The following CCDC170 variants were observed in gnomAD, a reference collection of about 807,000 sequenced individuals.
CCDC170 encodes coiled-coil domain-containing protein 170.
Under a neutral mutation model 72.6 loss-of-function variants are expected in CCDC170, and 69 were observed. That is an observed-to-expected ratio of 0.95 (90% CI 0.78 to 1.16). The LOEUF is 1.16. Ranked by LOEUF, CCDC170 falls within the 50% of genes most tolerant of loss-of-function variation. The pLI is 0.00. For missense variants in CCDC170, 852 were observed against 832.5 expected (o/e 1.02, Z -0.29); for synonymous variants, 300 against 303.9 (o/e 0.99, Z 0.13).
chr6:151,569,968 A>AT (rs1349324131), intron 5 of CCDC170, among the ~76,000 whole-genome samples: 1 of 152,190 alleles, frequency 6.6e-6, no homozygotes. Context: ...TGATTTTGTG[A>AT]TTTTCACTAG....
chr6:151,539,325 C>T lies in CCDC170; in HGVS notation c.443+1024C>T, dbSNP rs1263844742. Among the ~76,000 whole-genome samples, 5 of 152,244 alleles carry T rather than the reference C, an allele frequency of 3.3e-5. No individual in the cohort carries two copies. In the South Asian group the frequency reaches 6.2e-4, roughly 19 times the overall value. On this transcript the variant is annotated intron_variant, in intron 3 of 10. Transcript: ENST00000239374. Reference sequence around the variant, plus strand: ...TCTCTTCTCTCTCTGGAATCTGCTCCACTGAAACCACTCATTAAGGTCATC... The same window carrying T: ...TCTCTTCTCTCTCTGGAATCTGCTCTACTGAAACCACTCATTAAGGTCATC...
intron 1 of CCDC170, among the ~76,000 whole-genome samples, chr6:151,497,588 A>G (rs1781927685): frequency 6.6e-6 from 1 of 152,158 alleles, no homozygotes; most frequent in African/African-American, 2.4e-5. Context: ...GAGCAGCCCA[A>G]ACATGAAGGA....
chr6:151,497,418 A>T (rs917447803), intron 1 of CCDC170, among the ~76,000 whole-genome samples: 10 of 152,204 alleles, frequency 6.6e-5, no homozygotes, highest in Admixed American at 1.3e-4. Context: ...TTTACAATCA[A>T]GAAAAACAGA....
rs1394664206 is a variant in CCDC170 at position 151,538,048 on chromosome 6, C to T, written c.190C>T (p.Gln64Ter). The change falls in exon 3 of 11, where the codon CAA becomes TAA. Residue 64 changes from glutamine to a stop codon, truncating the protein, a stop_gained. Coordinates refer to ENST00000239374, the MANE Select transcript of CCDC170 (RefSeq NM_025059.4). LOFTEE classifies it high-confidence loss of function. ...TTTAACTTCTTTTCCATGTTAGCTT[C>T]AAGACCTCCGATCCAAGATGCTTTC... is the stretch of plus-strand genomic sequence containing the variant. ...VKFECAQSEL[Q>*]DLRSKMLSKE... The T allele has an allele frequency of 1.9e-6, 3 of 1,593,918 alleles. No homozygotes were observed. Among genetic ancestry groups the T allele is most frequent in the African/African-American group, 2.7e-5 (2 of 73,268 alleles).
At chr6:151,606,180 G>C in intron 9 of CCDC170, among the ~76,000 whole-genome samples, 1 of 152,166 alleles carries the variant, frequency 6.6e-6, no homozygotes, top group East Asian at 1.9e-4. Context: ...GGGATTACAG[G>C]CGTGAGCCAC....
Position 151,544,441 on chromosome 6 carries a change from CTG to C in CCDC170, c.444-127_444-126del, listed in dbSNP as rs141121647. ...AGGGCTTCTGTGACAATAATTTGCT[CTG>C]TGTCTGGGAAACTGTGTTGTGTTGA... On this transcript the variant is annotated intron_variant, in intron 3 of 10. Coordinates refer to ENST00000239374, the MANE Select transcript of CCDC170 (RefSeq NM_025059.4). The C allele has an allele frequency of 6.7e-3, 6,049 of 898,084 alleles. 166 individuals carry two copies. In the African/African-American group the frequency reaches 0.073, roughly 11 times the overall value. The allele number at this position is 898,084 out of a possible 1,614,324, so 55.6% of individuals were successfully genotyped here. A position where few individuals can be genotyped will look rare whatever the true frequency, so the allele number is the denominator to read the frequency against.
chr6:151,594,285 C>T (rs1776588283), intron 8 of CCDC170, among the ~76,000 whole-genome samples: 1 of 152,148 alleles, frequency 6.6e-6, no homozygotes, highest in Non-Finnish European at 1.5e-5. Flanking sequence ...TGACCTTGAA[C>T]AGATTATATA....
intron 7 of CCDC170, among the ~76,000 whole-genome samples, chr6:151,590,600 C>A (rs1218591946): frequency 6.6e-6 from 1 of 152,194 alleles, no homozygotes; most frequent in Non-Finnish European, 1.5e-5. Context: ...CAGTAGAATG[C>A]AGTTTCTTAT....
At chr6:151,536,150 T>C (rs1272024065) in intron 1 of CCDC170, 168 bp from the exon 2 acceptor site, 2 of 705,728 alleles carry the variant, frequency 2.8e-6, no homozygotes, top group South Asian at 2.0e-5. Flanking sequence ...CTTTGAACTT[T>C]GAGAATGAGA....
Position 151,538,312 on chromosome 6 carries a change from T to G in CCDC170, c.443+11T>G. 2 of 1,606,162 alleles carry G rather than the reference T, an allele frequency of 1.2e-6. No individual in the cohort carries two copies. The highest frequency in any genetic ancestry group is 1.7e-6 in the Non-Finnish European group (2 of 1,175,762). ...AAATGAAAAATTACAGTAAGGATAC[T>G]GCAATATATTTTTCGCTTTAGCTAG... On this transcript the variant is annotated intron_variant, in intron 3 of 10. Transcript: ENST00000239374.
intron 5 of CCDC170, among the ~76,000 whole-genome samples, chr6:151,565,962 G>C (rs1056030594): frequency 6.6e-6 from 1 of 152,158 alleles, no homozygotes; most frequent in African/African-American, 2.4e-5. Flanking sequence ...TTCCAGATGG[G>C]AACTGTCGGT....
At chr6:151,604,998 T>C (rs6899533) in intron 9 of CCDC170, among the ~76,000 whole-genome samples, 65,413 of 152,040 alleles carry the variant, frequency 0.43, 16,618 homozygotes, top group Non-Finnish European at 0.58. Flanking sequence ...ACTTATTCCT[T>C]CTATCCAGCT....
chr6:151,513,118 T>G (rs2115027131), intron 1 of CCDC170, among the ~76,000 whole-genome samples: 1 of 152,318 alleles, frequency 6.6e-6, no homozygotes, highest in South Asian at 2.1e-4. Flanking sequence ...GAGAACGAAA[T>G]GTCGAATCGC....
chr6:151,574,980 G>C (rs1215423963), intron 6 of CCDC170, among the ~76,000 whole-genome samples: 1 of 152,058 alleles, frequency 6.6e-6, no homozygotes. Flanking sequence ...CTAACAAATG[G>C]AGAAAAATGG....
intron 1 of CCDC170, among the ~76,000 whole-genome samples, chr6:151,498,674 A>C (rs551899579): frequency 6.6e-6 from 1 of 152,352 alleles, no homozygotes; most frequent in African/African-American, 2.4e-5. Flanking sequence ...TAACTATTCT[A>C]GGCATGCTGT....
At chr6:151,526,590 A>G (rs904544121) in intron 1 of CCDC170, among the ~76,000 whole-genome samples, 3 of 144,966 alleles carry the variant, frequency 2.1e-5, no homozygotes, top group African/African-American at 7.9e-5. Context: ...ATCTTGTCTC[A>G]CTGCAAACTC....
intron 9 of CCDC170, among the ~76,000 whole-genome samples, chr6:151,598,967 T>C (rs1382756353): frequency 6.6e-6 from 1 of 152,184 alleles, no homozygotes; most frequent in Non-Finnish European, 1.5e-5. Context: ...CTTATAAGGA[T>C]ACAGGAGTAC....
intron 7 of CCDC170, 123 bp downstream of exon 7, chr6:151,586,212 A>C: frequency 1.1e-6 from 1 of 923,206 alleles, no homozygotes; most frequent in Non-Finnish European, 1.6e-6. Context: ...TGGTTAAGTC[A>C]ATTTCAAGGA....
chr6:151,498,766 G>C (rs1294911833), intron 1 of CCDC170, among the ~76,000 whole-genome samples: 1 of 149,710 alleles, frequency 6.7e-6, no homozygotes, highest in African/African-American at 2.5e-5. Flanking sequence ...TTCTAGGCAC[G>C]CTGTATAAGT....
Sources: gnomAD v4.1 joint callset for allele counts (sites outside exome capture counted in the v4.1 genomes callset) on GRCh38, gnomAD v4.1.1 for gene constraint, MANE v1.5 for transcripts, NCBI Gene and HGNC (gene_info 2026-07-23, HGNC 2026-07-21) for gene names.